Variants in LINGO2 observed in about 807,000 individuals in gnomAD.
LINGO2 encodes the protein leucine rich repeat and Ig domain containing 2.
LINGO2 carries 14 observed loss-of-function variants against 30.6 expected under a neutral mutation model. That is an observed-to-expected ratio of 0.46 (90% CI 0.30 to 0.72). The LOEUF (loss-of-function observed/expected upper bound fraction) is 0.72, where lower values mean the gene tolerates loss of function less well. LINGO2 is among the 30% of genes least tolerant of loss of function. The probability of loss-of-function intolerance (pLI) is 0.07; values close to 1 mark genes in which losing one functional copy is unlikely to be tolerated. For missense variants in LINGO2, 729 were observed against 751.7 expected (o/e 0.97, Z 0.35); for synonymous variants, 317 against 288.5 (o/e 1.10, Z -1.00).
At chr9:28,680,193 C>T in the LINGO2 span, among the ~76,000 whole-genome samples, 3 of 152,000 alleles carry the variant, frequency 2.0e-5, no homozygotes, top group African/African-American at 7.2e-5. Flanking sequence ...TTAGATTTCA[C>T]ATATAAGTGA....
chr9:28,144,790 A>G (rs1827768892), intron 4 of LINGO2, among the ~76,000 whole-genome samples: 1 of 152,200 alleles, frequency 6.6e-6, no homozygotes. Flanking sequence ...ACAAAGACTA[A>G]TTGAAGCCTA....
chr9:28,412,806 T>C lies in LINGO2; in HGVS notation c.-278-39938A>G, dbSNP rs1247264862. Among the ~76,000 whole-genome samples, 4 of 152,184 alleles carry C rather than the reference T, an allele frequency of 2.6e-5. No homozygotes were observed. The East Asian group carries it at 7.7e-4, about 29-fold the overall frequency. ...ATTTTAACTCACCTTAAATGATAAGTTCACTTTACCCTTGAGCAATATAGG... is the reference window on the plus strand; with the variant it reads ...ATTTTAACTCACCTTAAATGATAAGCTCACTTTACCCTTGAGCAATATAGG... On this transcript the variant is annotated intron_variant, in intron 2 of 5. Coordinates refer to ENST00000379992, the Ensembl canonical transcript of LINGO2.
chr9:28,337,054 T>C (rs1477482203), intron 3 of LINGO2, among the ~76,000 whole-genome samples: 2 of 149,064 alleles, frequency 1.3e-5, no homozygotes, highest in African/African-American at 2.4e-5. Flanking sequence ...TAAATGAACA[T>C]ATATACTTTC....
At chr9:28,791,520 C>T in the LINGO2 span, among the ~76,000 whole-genome samples, 4 of 151,892 alleles carry the variant, frequency 2.6e-5, no homozygotes, top group Admixed American at 2.6e-4. Context: ...TTCTTTTACT[C>T]AATACTCACT....
At chr9:28,295,837 C>G (rs1490595765) in intron 3 of LINGO2, among the ~76,000 whole-genome samples, 1 of 152,106 alleles carries the variant, frequency 6.6e-6, no homozygotes, top group Admixed American at 6.5e-5. Context: ...TTCTGATGCT[C>G]CAGTCAATGT....
chr9:28,889,186 A>G, the LINGO2 span, among the ~76,000 whole-genome samples: 1 of 152,148 alleles, frequency 6.6e-6, no homozygotes. Context: ...TGTTTTAAAG[A>G]TAGAGTGATA....
At chr9:28,972,978 A>C in the LINGO2 span, among the ~76,000 whole-genome samples, 1 of 152,200 alleles carries the variant, frequency 6.6e-6, no homozygotes, top group Non-Finnish European at 1.5e-5. Flanking sequence ...TACACAGCCA[A>C]ACCATATCAG....
the LINGO2 span, among the ~76,000 whole-genome samples, chr9:29,099,518 G>A: frequency 4.0e-5 from 6 of 151,812 alleles, no homozygotes; most frequent in Non-Finnish European, 5.9e-5. Context: ...TATATGAGGA[G>A]AGCAAAGAAC....
At chr9:28,407,253 T>C (rs1201314445) in intron 2 of LINGO2, among the ~76,000 whole-genome samples, 1 of 79,582 alleles carries the variant, frequency 1.3e-5, no homozygotes, top group East Asian at 4.5e-4. Context: ...TAAGGAATAA[T>C]TGAGGCAAAG....
At chr9:28,111,520 T>A (rs1826790138) in intron 4 of LINGO2, among the ~76,000 whole-genome samples, 1 of 152,198 alleles carries the variant, frequency 6.6e-6, no homozygotes, top group Non-Finnish European at 1.5e-5. Flanking sequence ...GGGCCAGCTG[T>A]TTTGTTGACT....
the LINGO2 span, among the ~76,000 whole-genome samples, chr9:28,820,343 A>G: frequency 6.6e-6 from 1 of 152,174 alleles, no homozygotes; most frequent in Non-Finnish European, 1.5e-5. Context: ...AATTTTCAAC[A>G]GAAAAAAGAT....
intron 1 of LINGO2, among the ~76,000 whole-genome samples, chr9:28,551,522 C>G (rs144479307): frequency 4.0e-3 from 604 of 151,860 alleles, no homozygotes; most frequent in African/African-American, 0.013. Flanking sequence ...AAATTATGTT[C>G]TGCTTTTATC....
chr9:27,949,061 G>A, exon 6 of LINGO2: 2 of 1,614,112 alleles, frequency 1.2e-6, no homozygotes, highest in South Asian at 2.2e-5. Context: ...TTGTTTTAAG[G>A]TCCAGGGAAA....
At chr9:29,158,782 G>C in the LINGO2 span, among the ~76,000 whole-genome samples, 1 of 152,084 alleles carries the variant, frequency 6.6e-6, no homozygotes, top group African/African-American at 2.4e-5. Flanking sequence ...ATGAGAGAGA[G>C]AGAGAGAAAG....
chr9:28,687,584 C>G, the LINGO2 span, among the ~76,000 whole-genome samples: 3 of 152,046 alleles, frequency 2.0e-5, no homozygotes, highest in African/African-American at 7.2e-5. Flanking sequence ...TTTGAGTCAA[C>G]ATATGTAGGT....
At chr9:28,869,411 G>A in the LINGO2 span, among the ~76,000 whole-genome samples, 6 of 152,004 alleles carry the variant, frequency 3.9e-5, no homozygotes, top group Non-Finnish European at 5.9e-5. Flanking sequence ...AAAAGTATTT[G>A]ACCAGGTGAC....
intron 4 of LINGO2, among the ~76,000 whole-genome samples, chr9:28,055,064 G>A (rs951730507): frequency 1.3e-5 from 2 of 152,096 alleles, no homozygotes; most frequent in African/African-American, 4.8e-5. Flanking sequence ...CCAGAGGGAA[G>A]CTAGATGGTA....
the LINGO2 span, among the ~76,000 whole-genome samples, chr9:29,142,685 A>T: frequency 1.3e-5 from 2 of 151,980 alleles, no homozygotes; most frequent in Admixed American, 1.3e-4. Flanking sequence ...CACAGCTAAC[A>T]TCATACTCAA....
At chr9:28,095,799 G>A (rs1386118643) in intron 4 of LINGO2, among the ~76,000 whole-genome samples, 1 of 152,116 alleles carries the variant, frequency 6.6e-6, no homozygotes, top group Non-Finnish European at 1.5e-5. Context: ...GAAAATTTTT[G>A]CAACCTGCTC....
Sources: allele counts gnomAD v4.1 joint callset (sites outside exome capture counted in the v4.1 genomes callset), GRCh38; gene constraint gnomAD v4.1.1; transcripts MANE v1.5; gene names NCBI Gene and HGNC (gene_info 2026-07-23, HGNC 2026-07-21).